GPRASP3: variants seen among roughly 807,000 people sequenced by gnomAD.
GPRASP3 encodes G protein-coupled receptor associated sorting protein family member 3.
chrX:102,749,380 G>A, the GPRASP3 span: 2 of 1,212,001 alleles, frequency 1.7e-6, no homozygotes, highest in Non-Finnish European at 2.2e-6. Flanking sequence ...TGGAGAAGAG[G>A]CTGGTAATAG....
At chrX:102,744,880 C>T in the GPRASP3 span, among the ~76,000 whole-genome samples, 32 of 111,499 alleles carry the variant, frequency 2.9e-4, no homozygotes, top group Non-Finnish European at 4.9e-4. Context: ...CTGACTATAC[C>T]GTCTACAATG....
the GPRASP3 span, among the ~76,000 whole-genome samples, chrX:102,722,885 A>G: frequency 9.0e-6 from 1 of 111,594 alleles, no homozygotes; most frequent in Non-Finnish European, 1.9e-5. Context: ...GTACAACAAT[A>G]CAGTTAGAAG....
chrX:102,723,140 A>T, the GPRASP3 span, among the ~76,000 whole-genome samples: 16 of 112,219 alleles, frequency 1.4e-4, no homozygotes, highest in African/African-American at 5.2e-4. Context: ...AAAAAATTTT[A>T]AAAATAACTC....
At chrX:102,746,907 A>G in the GPRASP3 span, among the ~76,000 whole-genome samples, 1 of 112,694 alleles carries the variant, frequency 8.9e-6, no homozygotes, top group Non-Finnish European at 1.9e-5. Context: ...GTCCATGTAA[A>G]TAACAGGGTA....
the GPRASP3 span, among the ~76,000 whole-genome samples, chrX:102,735,609 CGT>C: frequency 9.0e-6 from 1 of 110,632 alleles, no homozygotes; most frequent in Non-Finnish European, 1.9e-5. Context: ...AGGGTTTCAC[CGT>C]GTTAGCCAGG....
the GPRASP3 span, among the ~76,000 whole-genome samples, chrX:102,726,564 C>T: frequency 1.8e-5 from 2 of 111,600 alleles, no homozygotes; most frequent in African/African-American, 6.5e-5. Context: ...TAGTGCCTGG[C>T]TCCACTGTCC....
the GPRASP3 span, chrX:102,720,872 G>C: frequency 8.9e-6 from 1 of 112,109 alleles, no homozygotes; most frequent in Admixed American, 9.4e-5. Context: ...AATTTCTCAG[G>C]CGACTGGAAC....
the GPRASP3 span, chrX:102,720,833 T>C: frequency 8.9e-6 from 1 of 112,078 alleles, no homozygotes; most frequent in Admixed American, 9.4e-5. Context: ...TAGGTAGGTG[T>C]CTTTCCATGC....
At chrX:102,735,454 G>C in the GPRASP3 span, among the ~76,000 whole-genome samples, 271 of 104,952 alleles carry the variant, frequency 2.6e-3, 1 homozygote, top group African/African-American at 9.1e-3. Context: ...GCCCAGGCTG[G>C]AGTGCAGTGG....
the GPRASP3 span, chrX:102,748,988 C>T: frequency 1.1e-5 from 13 of 1,199,083 alleles, no homozygotes; most frequent in Non-Finnish European, 1.2e-5. Flanking sequence ...TATAACTGGG[C>T]TTCAACCATG....
the GPRASP3 span, among the ~76,000 whole-genome samples, chrX:102,748,279 T>A: frequency 8.9e-6 from 1 of 112,049 alleles, no homozygotes; most frequent in Non-Finnish European, 1.9e-5. Flanking sequence ...GCCCATGAGT[T>A]AACTATAGGG....
chrX:102,732,440 C>A, the GPRASP3 span, among the ~76,000 whole-genome samples: 1 of 111,157 alleles, frequency 9.0e-6, no homozygotes, highest in East Asian at 2.8e-4. Flanking sequence ...ATATCCCTCA[C>A]TGAAGATCAT....
At chrX:102,740,043 G>A in the GPRASP3 span, among the ~76,000 whole-genome samples, 2 of 112,032 alleles carry the variant, frequency 1.8e-5, no homozygotes, top group Admixed American at 1.9e-4. Flanking sequence ...AAGAATGGGT[G>A]GTATACATTT....
chrX:102,730,292 G>A, the GPRASP3 span, among the ~76,000 whole-genome samples: 158 of 111,539 alleles, frequency 1.4e-3, no homozygotes, highest in African/African-American at 4.9e-3. Context: ...TCCAGAAGGC[G>A]GAGCTCAGGC....
the GPRASP3 span, chrX:102,749,100 G>A: frequency 2.5e-6 from 3 of 1,212,107 alleles, no homozygotes; most frequent in African/African-American, 3.5e-5. Flanking sequence ...GTGTTGTTAG[G>A]CCTGTAGCCA....
the GPRASP3 span, chrX:102,750,473 T>C: frequency 8.3e-7 from 1 of 1,210,318 alleles, no homozygotes; most frequent in Non-Finnish European, 1.1e-6. Flanking sequence ...TTAAAACTCA[T>C]CTTTAACCAG....
the GPRASP3 span, among the ~76,000 whole-genome samples, chrX:102,743,104 G>A: frequency 9.0e-6 from 1 of 111,223 alleles, no homozygotes; most frequent in Non-Finnish European, 1.9e-5. Context: ...TCAGTGAGCA[G>A]AGGGGTGACT....
At chrX:102,724,502 A>G in the GPRASP3 span, among the ~76,000 whole-genome samples, 326 of 111,069 alleles carry the variant, frequency 2.9e-3, 2 homozygotes, top group African/African-American at 1.0e-2. Flanking sequence ...GTGTCTATCT[A>G]TCTAATCTAT....
the GPRASP3 span, among the ~76,000 whole-genome samples, chrX:102,737,181 T>C: frequency 9.8e-5 from 11 of 112,610 alleles, no homozygotes; most frequent in South Asian, 4.0e-3. Flanking sequence ...AATGTATGTA[T>C]AGCTTGGATA....
Sources: allele counts gnomAD v4.1 joint callset (sites outside exome capture counted in the v4.1 genomes callset), GRCh38; gene constraint gnomAD v4.1.1; transcripts MANE v1.5; gene names NCBI Gene and HGNC (gene_info 2026-07-23, HGNC 2026-07-21).